The following PIKFYVE variants were observed in gnomAD, a reference collection of about 807,000 sequenced individuals.
PIKFYVE encodes 1-phosphatidylinositol 3-phosphate 5-kinase.
Under a neutral mutation model 257.9 loss-of-function variants are expected in PIKFYVE, and 122 were observed. That is an observed-to-expected ratio of 0.47 (90% CI 0.41 to 0.55). The LOEUF is 0.55. PIKFYVE is among the 20% of genes least tolerant of loss of function. The pLI is 0.00. For missense variants in PIKFYVE, 2,160 were observed against 2,536.6 expected (o/e 0.85, Z 3.19); for synonymous variants, 892 against 868.9 (o/e 1.03, Z -0.47).
Position 208,335,306 on chromosome 2 carries a change from T to C in PIKFYVE, c.4143T>C (p.Ser1381=), listed in dbSNP as rs1213072513. The change falls in exon 25 of 42, where the codon AGT becomes AGC. Residue 1381 remains serine (S), a splice_region_variant and synonymous_variant. Coordinates refer to ENST00000264380, the MANE Select transcript of PIKFYVE (RefSeq NM_015040.4). ...FSYNQMVASF[S]YSPIRLLEVC... ...ATTGGTCCTTGTATTTTCTTCTCAG[T>C]TATTCTCCCATTCGGCTTCTTGAAG... 1 of 1,579,930 alleles carries C rather than the reference T, an allele frequency of 6.3e-7. No individual in the cohort carries two copies. Among genetic ancestry groups the C allele is most frequent in the African/African-American group, 1.3e-5 (1 of 74,132 alleles).
intron 24 of PIKFYVE, chr2:208,334,633 C>A (rs930276621): frequency 1.3e-5 from 2 of 152,464 alleles, no homozygotes; most frequent in Non-Finnish European, 2.9e-5. Context: ...GACACTCCCC[C>A]ATCCTAGCAC....
rs1251518972 is a variant in PIKFYVE, at chr2:208,317,850, C to G, written c.2008-17C>G. On this transcript the variant is annotated splice_polypyrimidine_tract_variant and intron_variant, in intron 15 of 41. Coordinates refer to ENST00000264380, the MANE Select transcript of PIKFYVE (RefSeq NM_015040.4). The stretch of plus-strand genomic sequence containing the variant: ...TGTTATCATTGAATTTTATTGTTTT[C>G]TTAATTGTTCCATTAGATCCCAGGT... 1 of 1,596,336 alleles carries G rather than the reference C, an allele frequency of 6.3e-7. No individual in the cohort carries two copies. The highest frequency in any genetic ancestry group is 1.7e-5 in the Admixed American group (1 of 59,986).
rs563125603 is a variant in PIKFYVE, at chr2:208,312,412, G to A, written c.1696+117G>A. The A allele has an allele frequency of 6.6e-5, 51 of 774,186 alleles. No homozygotes were observed. The African/African-American group carries it at 8.7e-4, about 13-fold the overall frequency. 48.0% of individuals were successfully genotyped at this position (774,186 alleles called of 1,614,324 possible). A position where few individuals can be genotyped will look rare whatever the true frequency, so the allele number is the denominator to read the frequency against. On this transcript the variant is annotated intron_variant, in intron 13 of 41. Transcript: ENST00000264380. ...TGCTGAAAATATATTTGATTATGGT[G>A]GTATCATGGGAACACAGTTTTTAAT...
At chr2:208,279,890 A>G (rs1053134731) in intron 5 of PIKFYVE, among the ~76,000 whole-genome samples, 13 of 152,374 alleles carry the variant, frequency 8.5e-5, no homozygotes, top group African/African-American at 3.1e-4. Context: ...AAGAGCCTGA[A>G]TAGCCAAAAC....
At position 208,325,804 on chromosome 2, in the gene PIKFYVE, C is replaced by G. The variant is rs893253; in HGVS notation, c.2993C>G (p.Thr998Ser). The G allele has an allele frequency of 0.97, 1,568,910 of 1,613,816 alleles. 764,069 individuals are homozygous for G. The highest frequency in any genetic ancestry group is 0.98 in the Non-Finnish European group (1,161,135 of 1,179,974). Residue 998 changes from threonine to serine, a missense_variant, in exon 20 of 42, where the codon ACT (threonine) becomes AGT (serine). By Grantham distance (58) the Thr-to-Ser change is moderately conservative (BLOSUM62 1). Coordinates refer to ENST00000264380, the MANE Select transcript of PIKFYVE (RefSeq NM_015040.4). ...QDALGSEQPE[T>S]LQQTVVLQDP... ...GCTTTAGGCAGCGAGCAGCCAGAGACTTTGCAGCAAACAGTTGTGCTGCAG... is the reference window on the plus strand; with the variant it reads ...GCTTTAGGCAGCGAGCAGCCAGAGAGTTTGCAGCAAACAGTTGTGCTGCAG...
Position 208,328,212 on chromosome 2 carries a change from A to G in PIKFYVE, c.3651A>G (p.Arg1217=). 6.2e-7 allele frequency: 1 copy of G among 1,613,766 alleles called. No homozygotes were observed. Among genetic ancestry groups the G allele is most frequent in the Non-Finnish European group, 8.5e-7 (1 of 1,179,814 alleles). Residue 1217 remains arginine, a synonymous_variant, in exon 21 of 42, where the codon AGA becomes AGG. Transcript: ENST00000264380. ...GTCTGAATCCCATTAATCACCAGAG[A>G]CTTTGTGTGCTCTTCAGCAGCTCTT... ...VDCLNPINHQ[R]LCVLFSSSSA... is the part of the protein sequence containing the mutation.
At chr2:208,345,216 A>C (rs1411728677) in intron 33 of PIKFYVE, 22 bp downstream of exon 33, 1 of 1,550,052 alleles carries the variant, frequency 6.5e-7, no homozygotes, top group Non-Finnish European at 8.9e-7. Flanking sequence ...TTGAGTAGAA[A>C]CTATTTTAAT....
At chr2:208,351,598 C>T in intron 38 of PIKFYVE, 143 bp downstream of exon 38, 1 of 801,332 alleles carries the variant, frequency 1.2e-6, no homozygotes, top group Admixed American at 1.8e-5. Context: ...TTATTTGGCT[C>T]ATAGTTCTGC....
At chr2:208,315,758 G>A (rs547645190) in intron 15 of PIKFYVE, among the ~76,000 whole-genome samples, 3 of 151,976 alleles carry the variant, frequency 2.0e-5, no homozygotes, top group Non-Finnish European at 4.4e-5. Flanking sequence ...GTGGCCTGTG[G>A]GCTGCATGCA....
At chr2:208,303,531 A>T (rs1693973200) in intron 10 of PIKFYVE, among the ~76,000 whole-genome samples, 1 of 152,346 alleles carries the variant, frequency 6.6e-6, no homozygotes, top group Non-Finnish European at 1.5e-5. Flanking sequence ...GAGAAACTAT[A>T]CTTACTATTC....
At chr2:208,272,220 G>A (rs1326868720) in intron 2 of PIKFYVE, among the ~76,000 whole-genome samples, 6 of 151,450 alleles carry the variant, frequency 4.0e-5, no homozygotes, top group Non-Finnish European at 7.4e-5. Flanking sequence ...GGGTGACAGA[G>A]CGTGACTCCA....
chr2:208,324,380 T>A, intron 18 of PIKFYVE, 98 bp downstream of exon 18: 1 of 1,297,390 alleles, frequency 7.7e-7, no homozygotes, highest in South Asian at 1.3e-5. Context: ...TTTTCTTTGC[T>A]GTTCTATTTG....
intron 39 of PIKFYVE, 86 bp from the exon 40 acceptor site, chr2:208,353,812 G>C (rs1699986551): frequency 6.7e-7 from 1 of 1,490,410 alleles, no homozygotes; most frequent in Non-Finnish European, 9.3e-7. Flanking sequence ...ACTATAAGGA[G>C]TCTTTCTGCC....
Position 208,347,967 on chromosome 2 carries a change from A to C in PIKFYVE, c.5318A>C (p.Tyr1773Ser). ...ETLRGADSAY[Y>S]QVGQTGKEGT... The stretch of plus-strand genomic sequence containing the variant: ...TTACGTGGAGCAGATAGTGCTTACT[A>C]CCAGGTTGGGCAGACGGGCAAGGAG... Residue 1773 changes from tyrosine (Y) to serine (S), a missense_variant, in exon 35 of 42, where the codon TAC becomes TCC. Transcript: ENST00000264380. The C allele has an allele frequency of 6.2e-7, 1 of 1,614,132 alleles. No homozygotes were observed. The highest frequency in any genetic ancestry group is 8.5e-7 in the Non-Finnish European group (1 of 1,179,972).
chr2:208,299,636 A>G (rs940398927), intron 8 of PIKFYVE, among the ~76,000 whole-genome samples: 4 of 152,180 alleles, frequency 2.6e-5, no homozygotes, highest in African/African-American at 7.2e-5. Flanking sequence ...TCAGTTACCT[A>G]TGTAATAAGA....
chr2:208,330,844 GTATGT>G (rs1223120231), intron 23 of PIKFYVE, 150 bp downstream of exon 23: 8 of 791,456 alleles, frequency 1.0e-5, no homozygotes, highest in Non-Finnish European at 1.6e-5. Context: ...TTCCAGTGCT[GTATGT>G]TCAATCTAGT....
Position 208,277,529 on chromosome 2 carries a change from T to G in PIKFYVE, c.442-8T>G, listed in dbSNP as rs1287714666. The stretch of plus-strand genomic sequence containing the variant: ...TCAAGAAGCCTTCACACATTTTTAT[T>G]GTTATAGGATAGTGACCTGAAACAA... On this transcript the variant is annotated splice_region_variant and splice_polypyrimidine_tract_variant and intron_variant, in intron 4 of 41. Transcript: ENST00000264380. 6.2e-7 allele frequency: 1 copy of G among 1,613,324 alleles called. No individual in the cohort carries two copies. Among genetic ancestry groups the G allele is most frequent in the Non-Finnish European group, 8.5e-7 (1 of 1,179,288 alleles).
chr2:208,296,490 C>G (rs1693005115), intron 7 of PIKFYVE, among the ~76,000 whole-genome samples: 1 of 152,104 alleles, frequency 6.6e-6, no homozygotes, highest in Non-Finnish European at 1.5e-5. Context: ...GAGATATCTT[C>G]TAGACATCCA....
At chr2:208,334,044 C>T (rs1245137913) in intron 24 of PIKFYVE, among the ~76,000 whole-genome samples, 1 of 152,206 alleles carries the variant, frequency 6.6e-6, no homozygotes, top group Non-Finnish European at 1.5e-5. Context: ...TCACATAATT[C>T]TGATAGAGCT....
Sources: allele counts gnomAD v4.1 joint callset (sites outside exome capture counted in the v4.1 genomes callset), GRCh38; gene constraint gnomAD v4.1.1; transcripts MANE v1.5; gene names NCBI Gene and HGNC (gene_info 2026-07-23, HGNC 2026-07-21).